HSCB: variants seen among roughly 807,000 people sequenced by gnomAD.
HSCB encodes iron-sulfur cluster co-chaperone protein HscB.
HSCB carries 23 observed loss-of-function variants against 31.3 expected under a neutral mutation model. That is an observed-to-expected ratio of 0.74 (90% CI 0.53 to 1.04). The LOEUF (loss-of-function observed/expected upper bound fraction) is 1.04, where lower values mean the gene tolerates loss of function less well. Ranked by LOEUF, HSCB falls within the 50% of genes least tolerant of loss-of-function variation. The pLI is 0.00. For synonymous variants in HSCB, 110 were observed against 104.5 expected, an observed-to-expected ratio of 1.05 and a Z score of -0.32; for missense variants, 297 against 288.1, an observed-to-expected ratio of 1.03 and a Z score of -0.22.
intron 4 of HSCB, among the ~76,000 whole-genome samples, chr22:28,750,461 T>G (rs1036488655): frequency 6.6e-6 from 1 of 152,098 alleles, no homozygotes; most frequent in African/African-American, 2.4e-5. Flanking sequence ...TAGTCTGTTG[T>G]TCTTTTGTGG....
intron 4 of HSCB, among the ~76,000 whole-genome samples, chr22:28,746,676 G>T (rs1163022881): frequency 1.3e-5 from 2 of 152,020 alleles, no homozygotes; most frequent in African/African-American, 4.8e-5. Context: ...AAGGCGGGTG[G>T]GTCACCTGAG....
chr22:28,746,380 CAAAAAAA>C (rs56751858), intron 4 of HSCB, among the ~76,000 whole-genome samples: 1 of 71,574 alleles, frequency 1.4e-5, no homozygotes, highest in Non-Finnish European at 2.6e-5. Flanking sequence ...GACTCCATCT[CAAAAAAA>C]AAAAAAAAAA....
intron 1 of HSCB, chr22:28,742,543 G>A: frequency 1.2e-6 from 1 of 853,704 alleles, no homozygotes; most frequent in Non-Finnish European, 1.7e-6. Context: ...GTGTGGAGAA[G>A]GGAGACGAAC....
In HSCB at chr22:28,757,059, G is replaced by C; in HGVS notation, c.617-19G>C. The C allele has an allele frequency of 7.3e-7, 1 of 1,378,072 alleles. No individual in the cohort carries two copies. Among genetic ancestry groups the C allele is most frequent in the Non-Finnish European group, 1.0e-6 (1 of 965,534 alleles). The allele number at this position is 1,378,072 out of a possible 1,614,324, so 85.4% of individuals were successfully genotyped here. A position where few individuals can be genotyped will look rare whatever the true frequency, so the allele number is the denominator to read the frequency against. ...TTGCTTGAAATGAAGCCTGACTTCA[G>C]TGTCTCTGTCTATTTCAGATGACTT... is the stretch of plus-strand genomic sequence containing the variant. On this transcript the variant is annotated intron_variant, in intron 5 of 5. Coordinates refer to ENST00000216027, the MANE Select transcript of HSCB (RefSeq NM_172002.5).
In HSCB at chr22:28,743,898, G is replaced by A; in HGVS notation, c.253G>A (p.Val85Ile). ...SLMDCNRSFR[V>I]DTAKLQHRYQ... Reference sequence around the variant, plus strand: ...TCCTTCCAGCAACCGTTCCTTCAGAGTTGATACAGCGAAGCTCCAGCACAG... The same window carrying A: ...TCCTTCCAGCAACCGTTCCTTCAGAATTGATACAGCGAAGCTCCAGCACAG... The change falls in exon 2 of 6, where the codon GTT becomes ATT. Residue 85 changes from valine to isoleucine, a missense_variant. Coordinates refer to ENST00000216027, the MANE Select transcript of HSCB (RefSeq NM_172002.5). 6.2e-7 allele frequency: 1 copy of A among 1,614,066 alleles called. No homozygotes were observed.
At chr22:28,752,004 T>C (rs75855247) in intron 5 of HSCB, among the ~76,000 whole-genome samples, 1 of 151,612 alleles carries the variant, frequency 6.6e-6, no homozygotes, top group African/African-American at 2.4e-5. Context: ...GCCAGGAGAA[T>C]TGCTTGAACC....
At chr22:28,754,700 G>A (rs1390234557) in intron 5 of HSCB, among the ~76,000 whole-genome samples, 2 of 152,114 alleles carry the variant, frequency 1.3e-5, no homozygotes, top group East Asian at 3.9e-4. Flanking sequence ...ATGGATGGTG[G>A]TGATGCTTGC....
intron 5 of HSCB, among the ~76,000 whole-genome samples, chr22:28,752,818 C>T (rs909446282): frequency 2.0e-5 from 3 of 151,454 alleles, no homozygotes; most frequent in Non-Finnish European, 4.4e-5. Context: ...TGGTGGCTCA[C>T]GCCTGTAATC....
intron 1 of HSCB, among the ~76,000 whole-genome samples, chr22:28,743,532 C>A (rs928679224): frequency 2.0e-5 from 3 of 152,196 alleles, no homozygotes; most frequent in Non-Finnish European, 4.4e-5. Flanking sequence ...CCCCACCAGT[C>A]ACTGAACATG....
In HSCB at chr22:28,744,646, C is replaced by A; in HGVS notation, c.365C>A (p.Thr122Asn). The part of the protein sequence containing the change: ...TEKDFSEKHS[T>N]LVNDAYKTLL... ...AAGGACTTCTCAGAGAAGCATTCGA[C>A]CCTGGTGAATGATGCCTATAAGACC... Residue 122 changes from threonine (T) to asparagine (N), a missense_variant, in exon 3 of 6, where the codon ACC (threonine) becomes AAC (asparagine). Transcript: ENST00000216027. 1 of 1,613,854 alleles carries A rather than the reference C, an allele frequency of 6.2e-7. No homozygotes were observed. Among genetic ancestry groups the A allele is most frequent in the Admixed American group, 1.7e-5 (1 of 60,012 alleles).
intron 5 of HSCB, among the ~76,000 whole-genome samples, chr22:28,756,539 G>C (rs903587634): frequency 2.6e-5 from 4 of 150,980 alleles, no homozygotes; most frequent in African/African-American, 9.8e-5. Flanking sequence ...CACAGTCATA[G>C]CTCAGTGCAA....
intron 4 of HSCB, among the ~76,000 whole-genome samples, chr22:28,750,945 C>CTATTTTTTTTTTTTTTTTTTTTTT (rs2030187691): frequency 1.8e-5 from 1 of 56,452 alleles, no homozygotes; most frequent in Non-Finnish European, 3.2e-5. Flanking sequence ...ATATCTTTGT[C>CTATTTTTTTTTTTTTTTTTTTTTT]TTTTTTTTTT....
At chr22:28,748,126 A>G (rs2146213425) in intron 4 of HSCB, among the ~76,000 whole-genome samples, 1 of 152,302 alleles carries the variant, frequency 6.6e-6, no homozygotes, top group South Asian at 2.1e-4. Flanking sequence ...CGGAGGTTGC[A>G]GTGAGCCGAG....
intron 5 of HSCB, among the ~76,000 whole-genome samples, chr22:28,752,304 G>A (rs949667861): frequency 2.6e-5 from 4 of 151,278 alleles, no homozygotes; most frequent in East Asian, 2.0e-4. Context: ...GCAGTGGCGC[G>A]CCTGTAATCC....
chr22:28,757,012 G>C, intron 5 of HSCB, 66 bp from the exon 6 acceptor site: 1 of 893,268 alleles, frequency 1.1e-6, no homozygotes, highest in South Asian at 1.3e-5. Context: ...CGCTGCCCTA[G>C]TCATCAGAGT....
chr22:28,750,938 T>A (rs2030183212), intron 4 of HSCB, among the ~76,000 whole-genome samples: 1 of 145,594 alleles, frequency 6.9e-6, no homozygotes, highest in South Asian at 2.3e-4. Flanking sequence ...TCAAAGTATA[T>A]CTTTGTCTTT....
In HSCB at chr22:28,742,222, A is replaced by G. The variant is rs372415350; in HGVS notation, c.127A>G (p.Asn43Asp). The G allele has an allele frequency of 1.2e-6, 2 of 1,613,834 alleles. No individual in the cohort carries two copies. Among genetic ancestry groups the G allele is most frequent in the Non-Finnish European group, 1.7e-6 (2 of 1,179,988 alleles). The change falls in exon 1 of 6, where the codon AAC becomes GAC. Residue 43 changes from asparagine (N) to aspartate (D), a missense_variant. By Grantham distance (23) the Asn-to-Asp change is conservative. Coordinates refer to ENST00000216027, the MANE Select transcript of HSCB (RefSeq NM_172002.5). Reference sequence around the variant, plus strand: ...GGGAAGCAATTATCCCCGCTGTTGGAACTGCGGCGGCCCATGGGGCCCCGG... The same window carrying G: ...GGGAAGCAATTATCCCCGCTGTTGGGACTGCGGCGGCCCATGGGGCCCCGG... ...QAGSNYPRCW[N>D]CGGPWGPGRE...
rs777264644 is a variant in HSCB, at chr22:28,744,710, G to A, written c.423+6G>A. Reference sequence around the variant, plus strand: ...TGAGCAGAGGACTGTACCTTGTAAGGTGATTTCCCAACACTTCTGTGTATG... The same window carrying A: ...TGAGCAGAGGACTGTACCTTGTAAGATGATTTCCCAACACTTCTGTGTATG... On this transcript the variant is annotated splice_donor_region_variant and intron_variant, in intron 3 of 5. Transcript: ENST00000216027. 6.2e-7 allele frequency: 1 copy of A among 1,606,880 alleles called. No individual in the cohort carries two copies. Among genetic ancestry groups the A allele is most frequent in the Non-Finnish European group, 8.5e-7 (1 of 1,173,398 alleles).
rs1372691099 is a variant in HSCB at position 28,742,062 on chromosome 22, A to G, written c.-34A>G. On this transcript the variant is annotated 5_prime_UTR_variant, in exon 1 of 6. Coordinates refer to ENST00000216027, the MANE Select transcript of HSCB (RefSeq NM_172002.5). Reference sequence around the variant, plus strand: ...TTAGACGCTCTCTTTGCTTTTCCCCACGAGTGACCACGGCTAGATAGGCCG... The same window carrying G: ...TTAGACGCTCTCTTTGCTTTTCCCCGCGAGTGACCACGGCTAGATAGGCCG... The G allele has an allele frequency of 1.3e-6, 2 of 1,579,872 alleles. No homozygotes were observed. The highest frequency in any genetic ancestry group is 1.1e-5 in the South Asian group (1 of 87,828).
Sources: allele counts gnomAD v4.1 joint callset (sites outside exome capture counted in the v4.1 genomes callset), GRCh38; gene constraint gnomAD v4.1.1; transcripts MANE v1.5; gene names NCBI Gene and HGNC (gene_info 2026-07-23, HGNC 2026-07-21).